The following SLC9A9 variants were observed in gnomAD, a reference collection of about 807,000 sequenced individuals.
The protein encoded by SLC9A9 is solute carrier family 9 member A9, also known as sodium/hydrogen exchanger 9.
A neutral mutation model predicts 77.8 loss-of-function variants in SLC9A9; 62 were observed. That is an observed-to-expected ratio of 0.80 (90% CI 0.65 to 0.98). The LOEUF (loss-of-function observed/expected upper bound fraction) is 0.98, where lower values mean the gene tolerates loss of function less well. SLC9A9 is among the 50% of genes least tolerant of loss of function. The pLI, the probability that SLC9A9 is intolerant of heterozygous loss-of-function variation, is 0.00. For synonymous variants in SLC9A9, 320 were observed against 283.5 expected, an observed-to-expected ratio of 1.13 and a Z score of -1.29; for missense variants, 775 against 774.9, an observed-to-expected ratio of 1.00 and a Z score of 0.00.
chr3:143,444,165 T>C (rs1158462214), intron 12 of SLC9A9, among the ~76,000 whole-genome samples: 1 of 152,202 alleles, frequency 6.6e-6, no homozygotes, highest in Non-Finnish European at 1.5e-5. Flanking sequence ...CAGCTTCAAC[T>C]GCATTTATAA....
At chr3:143,810,004 A>G (rs2008821585) in intron 2 of SLC9A9, among the ~76,000 whole-genome samples, 4 of 152,158 alleles carry the variant, frequency 2.6e-5, no homozygotes, top group Non-Finnish European at 2.9e-5. Flanking sequence ...CAGACCTCCA[A>G]CTCTGAGATG....
intron 4 of SLC9A9, among the ~76,000 whole-genome samples, chr3:143,767,376 A>ATG (rs142594079): frequency 0.15 from 21,330 of 141,096 alleles, 1,522 homozygotes; most frequent in Non-Finnish European, 0.17. Context: ...GTGTCTGTGT[A>ATG]TGTGTGTGTG....
At chr3:143,407,863 A>T (rs998883315) in intron 12 of SLC9A9, among the ~76,000 whole-genome samples, 55 of 152,244 alleles carry the variant, frequency 3.6e-4, no homozygotes, top group African/African-American at 1.3e-3. Flanking sequence ...ATCAGTAGGT[A>T]TATTAGCAGC....
intron 13 of SLC9A9, among the ~76,000 whole-genome samples, chr3:143,365,032 C>T (rs1441172076): frequency 2.0e-5 from 3 of 152,116 alleles, no homozygotes; most frequent in African/African-American, 7.2e-5. Context: ...AACCTAAATG[C>T]CCATCAATGG....
chr3:143,339,043 A>AC (rs1207488083), intron 14 of SLC9A9, among the ~76,000 whole-genome samples: 1 of 152,122 alleles, frequency 6.6e-6, no homozygotes, highest in East Asian at 1.9e-4. Flanking sequence ...GAAAGCTGGG[A>AC]CCCTTCAGAT....
chr3:143,582,996 T>G (rs531094647), intron 6 of SLC9A9, among the ~76,000 whole-genome samples: 1 of 151,976 alleles, frequency 6.6e-6, no homozygotes, highest in East Asian at 1.9e-4. Flanking sequence ...CTAAAAAAAG[T>G]ACAGAAATTA....
chr3:143,755,315 A>G (rs1417501007), intron 4 of SLC9A9, among the ~76,000 whole-genome samples: 3 of 152,306 alleles, frequency 2.0e-5, no homozygotes, highest in South Asian at 4.1e-4. Flanking sequence ...CTACACTGGT[A>G]CACACATCTA....
rs147479849 is a variant in SLC9A9, at chr3:143,379,472, C to G, written c.1524+2588G>C. ...TTATCCCAATGTGTGGAGAAAACCT[C>G]TTTCTGAAACGTAAGTTCTTTGGTA... On this transcript the variant is annotated intron_variant, in intron 13 of 15. Coordinates refer to ENST00000316549, the MANE Select transcript of SLC9A9 (RefSeq NM_173653.4). Among the ~76,000 whole-genome samples, 85 of 152,334 alleles carry G rather than the reference C, an allele frequency of 5.6e-4. 1 individual carries two copies. The East Asian group carries it at 0.014, about 25-fold the overall frequency.
At chr3:143,587,868 T>A (rs181891728) in intron 6 of SLC9A9, among the ~76,000 whole-genome samples, 1 of 151,590 alleles carries the variant, frequency 6.6e-6, no homozygotes, top group Non-Finnish European at 1.5e-5. Context: ...TAAAGTAGAG[T>A]AGTGAAGAAA....
intron 4 of SLC9A9, among the ~76,000 whole-genome samples, chr3:143,775,488 C>T (rs933316570): frequency 2.0e-5 from 3 of 152,060 alleles, no homozygotes; most frequent in Non-Finnish European, 2.9e-5. Context: ...GCCATATAGC[C>T]CTGACATGAG....
intron 12 of SLC9A9, among the ~76,000 whole-genome samples, chr3:143,424,682 G>A (rs765750264): frequency 6.6e-6 from 1 of 152,056 alleles, no homozygotes; most frequent in Non-Finnish European, 1.5e-5. Flanking sequence ...TTTAAAGTTT[G>A]ATATTTTTCA....
intron 4 of SLC9A9, among the ~76,000 whole-genome samples, chr3:143,700,224 A>C (rs1384502573): frequency 6.6e-6 from 1 of 152,126 alleles, no homozygotes; most frequent in Admixed American, 6.5e-5. Context: ...TGAGACTCTG[A>C]GACTTGCTGA....
chr3:143,819,337 G>T (rs181874050), intron 2 of SLC9A9, among the ~76,000 whole-genome samples: 74 of 152,320 alleles, frequency 4.9e-4, no homozygotes, highest in Admixed American at 1.8e-3. Flanking sequence ...TTCACTGGAG[G>T]TAGGTAGTGC....
At chr3:143,307,979 A>C (rs1559861229) in intron 14 of SLC9A9, among the ~76,000 whole-genome samples, 1 of 152,134 alleles carries the variant, frequency 6.6e-6, no homozygotes, top group Non-Finnish European at 1.5e-5. Context: ...TGATCACTCT[A>C]CTTTGCCATG....
intron 1 of SLC9A9, among the ~76,000 whole-genome samples, chr3:143,843,151 G>A (rs1183765603): frequency 6.6e-6 from 1 of 152,154 alleles, no homozygotes; most frequent in Non-Finnish European, 1.5e-5. Context: ...AGCCTTGGAA[G>A]GACCTTCAGC....
chr3:143,630,444 T>C lies in SLC9A9; in HGVS notation c.755+21811A>G, dbSNP rs115944917. Among the ~76,000 whole-genome samples, 1,158 of 152,274 alleles carry C rather than the reference T, an allele frequency of 7.6e-3. 14 individuals are homozygous for C. The highest frequency in any genetic ancestry group is 0.027 in the African/African-American group (1,112 of 41,556). On this transcript the variant is annotated intron_variant, in intron 6 of 15. Coordinates refer to ENST00000316549, the MANE Select transcript of SLC9A9 (RefSeq NM_173653.4). ...TGTCTTTTTGCTCTGAACATGCCAG[T>C]TTATTTGGGGTGAAGAAGTGATTCT...
At chr3:143,282,348 C>G (rs1290899811) in intron 14 of SLC9A9, among the ~76,000 whole-genome samples, 2 of 152,154 alleles carry the variant, frequency 1.3e-5, no homozygotes, top group South Asian at 2.1e-4. Context: ...CAATACCCAC[C>G]AAATACTTTA....
intron 14 of SLC9A9, among the ~76,000 whole-genome samples, chr3:143,361,685 T>G (rs768018949): frequency 6.6e-6 from 1 of 152,180 alleles, no homozygotes; most frequent in African/African-American, 2.4e-5. Flanking sequence ...AGAAGAGATA[T>G]GACTGAGAGT....
intron 14 of SLC9A9, among the ~76,000 whole-genome samples, chr3:143,292,571 G>A (rs530260900): frequency 2.0e-5 from 3 of 152,182 alleles, no homozygotes; most frequent in Non-Finnish European, 4.4e-5. Context: ...AGCAGCCCCT[G>A]TAGCTGGAGG....
Sources: gnomAD v4.1 joint callset for allele counts (sites outside exome capture counted in the v4.1 genomes callset) on GRCh38, gnomAD v4.1.1 for gene constraint, MANE v1.5 for transcripts, NCBI Gene and HGNC (gene_info 2026-07-23, HGNC 2026-07-21) for gene names.